The following HMGN3 variants were observed in gnomAD, a reference collection of about 807,000 sequenced individuals.
The protein encoded by HMGN3 is high mobility group nucleosomal binding domain 3, also known as high mobility group nucleosome-binding domain-containing protein 3.
In HMGN3, 6 loss-of-function variants were observed where a neutral mutation model predicts 18.8. The observed-to-expected ratio is 0.32, with a 90% CI of 0.18 to 0.63. The LOEUF is 0.63. Among genes scored for constraint, HMGN3 ranks in the 30% least tolerant of loss-of-function variants. The pLI is 0.79. For missense variants in HMGN3, 107 were observed against 114.2 expected (o/e 0.94, Z 0.29); for synonymous variants, 40 against 36.5 (o/e 1.10, Z -0.35).
exon 6 of HMGN3, chr6:79,201,531 C>A: frequency 3.5e-6 from 2 of 567,092 alleles, no homozygotes; most frequent in South Asian, 2.7e-5. Context: ...TTCCAAAAAG[C>A]ATGACTATGA....
chr6:79,233,956 G>C (rs559595787), intron 1 of HMGN3: 1 of 152,474 alleles, frequency 6.6e-6, no homozygotes, highest in African/African-American at 2.4e-5. Context: ...GCCCCGCCTC[G>C]CCGGCCCCAG....
intron 1 of HMGN3, 48 bp downstream of exon 1, chr6:79,234,498 G>A (rs1440783261): frequency 3.8e-6 from 6 of 1,592,328 alleles, no homozygotes; most frequent in Middle Eastern, 3.3e-4. Context: ...AGCATTTACT[G>A]TAAGCAGAAT....
intron 1 of HMGN3, among the ~76,000 whole-genome samples, chr6:79,224,460 C>T (rs757652480): frequency 3.9e-5 from 6 of 152,106 alleles, no homozygotes; most frequent in Non-Finnish European, 5.9e-5. Context: ...AAACAATAAC[C>T]TATTAAAAAT....
intron 1 of HMGN3, among the ~76,000 whole-genome samples, chr6:79,218,823 A>C (rs773822668): frequency 7.9e-5 from 12 of 152,214 alleles, no homozygotes; most frequent in South Asian, 6.2e-4. Context: ...ATTCATACAA[A>C]ATAGAAATTT....
chr6:79,229,782 G>A (rs1040171417), intron 1 of HMGN3, among the ~76,000 whole-genome samples: 1 of 152,128 alleles, frequency 6.6e-6, no homozygotes, highest in African/African-American at 2.4e-5. Flanking sequence ...GGAGACTGAG[G>A]CAGGAGAATG....
intron 1 of HMGN3, among the ~76,000 whole-genome samples, chr6:79,231,202 T>C (rs1373242325): frequency 1.3e-5 from 2 of 152,216 alleles, no homozygotes; most frequent in Admixed American, 1.3e-4. Context: ...GTGTTTCCTG[T>C]CGCTAATCAT....
chr6:79,206,543 T>C (rs1366358258), intron 3 of HMGN3, among the ~76,000 whole-genome samples: 1 of 152,184 alleles, frequency 6.6e-6, no homozygotes. Flanking sequence ...AACCTCTGCG[T>C]AGATTTCAGA....
chr6:79,220,469 C>T lies in HMGN3; in HGVS notation c.16-5447G>A, dbSNP rs139389597. On this transcript the variant is annotated intron_variant, in intron 1 of 5. Transcript: ENST00000344726. Reference sequence around the variant, plus strand: ...AATTGCCTTTTTTGTTTTTTTGAGACGAAGTCTCACTCTGTCACCCAGGCT... The same window carrying T: ...AATTGCCTTTTTTGTTTTTTTGAGATGAAGTCTCACTCTGTCACCCAGGCT... 3.5e-3 allele frequency among the ~76,000 whole-genome samples: 527 copies of T among 152,234 alleles called. 4 individuals carry two copies. The highest frequency in any genetic ancestry group is 0.012 in the African/African-American group (486 of 41,536).
chr6:79,222,152 A>T (rs1777325778), intron 1 of HMGN3, among the ~76,000 whole-genome samples: 1 of 152,212 alleles, frequency 6.6e-6, no homozygotes, highest in Non-Finnish European at 1.5e-5. Flanking sequence ...CTGATGGTAT[A>T]TATAACAGTG....
chr6:79,219,659 A>C (rs919921353), intron 1 of HMGN3, among the ~76,000 whole-genome samples: 1 of 152,170 alleles, frequency 6.6e-6, no homozygotes, highest in African/African-American at 2.4e-5. Context: ...TGCCACATTA[A>C]AAAAGCATAA....
In HMGN3 at chr6:79,225,091, A is replaced by T. The variant is rs7761763; in HGVS notation, c.15+9455T>A. ...GGAGCCTTTAAAGCTTCACATTTTG[A>T]TAACTTCGTCTTTGGTACGTTTTCT... is the stretch of plus-strand genomic sequence containing the variant. On this transcript the variant is annotated intron_variant, in intron 1 of 5. Coordinates refer to ENST00000344726, the Ensembl canonical transcript of HMGN3. 2.9e-3 allele frequency among the ~76,000 whole-genome samples: 447 copies of T among 152,350 alleles called. 2 individuals are homozygous for T. The highest frequency in any genetic ancestry group is 0.01 in the African/African-American group (419 of 41,592).
chr6:79,208,569 C>G, exon 3 of HMGN3: 1 of 1,610,512 alleles, frequency 6.2e-7, no homozygotes, highest in Non-Finnish European at 8.5e-7. Context: ...GGCAGACCGT[C>G]TTGTGGGCTA....
chr6:79,202,381 A>G, exon 5 of HMGN3: 1 of 1,613,382 alleles, frequency 6.2e-7, no homozygotes, highest in Non-Finnish European at 8.5e-7. Context: ...TCTTTGCTCC[A>G]GGTTCTTTCT....
chr6:79,219,188 C>T (rs183010992), intron 1 of HMGN3, among the ~76,000 whole-genome samples: 1 of 152,184 alleles, frequency 6.6e-6, no homozygotes, highest in African/African-American at 2.4e-5. Flanking sequence ...AATAAAACTA[C>T]AAAGCATCAA....
intron 1 of HMGN3, among the ~76,000 whole-genome samples, chr6:79,228,020 C>T (rs1777645039): frequency 6.6e-6 from 1 of 152,128 alleles, no homozygotes; most frequent in Non-Finnish European, 1.5e-5. Flanking sequence ...CGCCAGACAA[C>T]TTCTGAAACA....
At chr6:79,229,543 C>T (rs954317516) in intron 1 of HMGN3, among the ~76,000 whole-genome samples, 5 of 152,228 alleles carry the variant, frequency 3.3e-5, no homozygotes, top group East Asian at 1.9e-4. Flanking sequence ...GAAATTAGAA[C>T]GCATGCACTT....
chr6:79,204,709 G>C (rs1415616227), intron 3 of HMGN3, among the ~76,000 whole-genome samples: 1 of 152,070 alleles, frequency 6.6e-6, no homozygotes, highest in South Asian at 2.1e-4. Context: ...TTTCATCAAG[G>C]GCATAAAGTG....
chr6:79,205,764 T>A (rs1776396192), intron 3 of HMGN3, among the ~76,000 whole-genome samples: 1 of 152,062 alleles, frequency 6.6e-6, no homozygotes, highest in Admixed American at 6.5e-5. Flanking sequence ...GACAAGAAAA[T>A]GTGGGAAAGT....
At chr6:79,213,521 T>C (rs1450727760) in intron 2 of HMGN3, among the ~76,000 whole-genome samples, 1 of 152,226 alleles carries the variant, frequency 6.6e-6, no homozygotes. Flanking sequence ...TAGCCAACTG[T>C]TCTAAAAATC....
Sources: gnomAD v4.1 joint callset for allele counts (sites outside exome capture counted in the v4.1 genomes callset) on GRCh38, gnomAD v4.1.1 for gene constraint, MANE v1.5 for transcripts, NCBI Gene and HGNC (gene_info 2026-07-23, HGNC 2026-07-21) for gene names.